Variants in SOHLH2 observed in about 807,000 individuals in gnomAD.
SOHLH2 encodes spermatogenesis- and oogenesis-specific basic helix-loop-helix-containing protein 2.
Under a neutral mutation model 50.4 loss-of-function variants are expected in SOHLH2, and 22 were observed. That is an observed-to-expected ratio of 0.44 (90% CI 0.31 to 0.62). SOHLH2 has a LOEUF of 0.62. Among genes scored for constraint, SOHLH2 ranks in the 20% least tolerant of loss-of-function variants. The pLI is 0.08. For synonymous variants in SOHLH2, 185 were observed against 187.3 expected (o/e 0.99, Z 0.10); for missense variants, 412 against 504.4 (o/e 0.82, Z 1.76).
rs770569129 is a variant in SOHLH2 at position 36,174,829 on chromosome 13, A to G, written c.682T>C (p.Leu228=). 10 of 1,606,496 alleles carry G rather than the reference A, an allele frequency of 6.2e-6. No individual in the cohort carries two copies. The South Asian group carries it at 1.1e-4, about 18-fold the overall frequency. ...KYCCEQLRTL[L]PYVKGRKNDA... is the part of the protein sequence containing the mutation. ...TTCTTTCTCCCTTTTACATACGGCA[A>G]GAGAGTACGCAGCTGCTCACAGCAA... Residue 228 remains leucine, a synonymous_variant, in exon 7 of 11, where the codon TTG becomes CTG. Coordinates refer to ENST00000379881, the MANE Select transcript of SOHLH2 (RefSeq NM_017826.3).
chr13:36,211,451 A>G (rs184741440), intron 1 of SOHLH2, among the ~76,000 whole-genome samples: 73 of 152,358 alleles, frequency 4.8e-4, no homozygotes, highest in African/African-American at 1.7e-3. Context: ...CAAACAAGAC[A>G]AGGTCCTTGC....
intron 2 of SOHLH2, among the ~76,000 whole-genome samples, chr13:36,196,496 G>A (rs144360065): frequency 6.2e-4 from 94 of 152,250 alleles, no homozygotes; most frequent in African/African-American, 2.2e-3. Context: ...AATGAGGAAA[G>A]AGAGGTGAAA....
Position 36,214,540 on chromosome 13 carries a change from G to C in SOHLH2, c.-14C>G, listed in dbSNP as rs567581993. ...TGAGGAAGCCATGGCCGCTGCGCAC[G>C]TGCTGGGTCCTGGGGCAGCCTCCCA... On this transcript the variant is annotated 5_prime_UTR_variant, in exon 1 of 11. Transcript: ENST00000379881. 2 of 1,609,438 alleles carry C rather than the reference G, an allele frequency of 1.2e-6. No homozygotes were observed. Among genetic ancestry groups the C allele is most frequent in the South Asian group, 2.2e-5 (2 of 89,840 alleles).
At position 36,170,744 on chromosome 13, in the gene SOHLH2, A is replaced by G; in HGVS notation, c.1044T>C (p.Tyr348=). The change falls in exon 10 of 11, where the codon TAT becomes TAC. Residue 348 remains tyrosine (Y), a synonymous_variant. Coordinates refer to ENST00000379881, the MANE Select transcript of SOHLH2 (RefSeq NM_017826.3). ...SASENAIGDP[Y]KTHISSAALS... ...GCGCTGCACTGGAAATGTGAGTTTTATATGGATCACCAATAGCATTCTCTG... is the reference window on the plus strand; with the variant it reads ...GCGCTGCACTGGAAATGTGAGTTTTGTATGGATCACCAATAGCATTCTCTG... 1 of 1,614,208 alleles carries G rather than the reference A, an allele frequency of 6.2e-7. No homozygotes were observed. The highest frequency in any genetic ancestry group is 8.5e-7 in the Non-Finnish European group (1 of 1,180,010).
Position 36,201,983 on chromosome 13 carries a change from C to A in SOHLH2, c.159G>T (p.Thr53=). 1 of 1,614,186 alleles carries A rather than the reference C, an allele frequency of 6.2e-7. No homozygotes were observed. The highest frequency in any genetic ancestry group is 2.2e-5 in the East Asian group (1 of 44,878). ...CATCCAAAAGCGCTGCTGCCTCCTT[C>A]GTGTCACTGATGGTGATGGTGACTT... ...IAEVTITISD[T]KEAAALLDDC... Residue 53 remains threonine (T), a synonymous_variant, in exon 2 of 11, where the codon ACG becomes ACT. Coordinates refer to ENST00000379881, the MANE Select transcript of SOHLH2 (RefSeq NM_017826.3).
chr13:36,213,186 T>C (rs1313553751), intron 1 of SOHLH2, among the ~76,000 whole-genome samples: 1 of 152,142 alleles, frequency 6.6e-6, no homozygotes, highest in African/African-American at 2.4e-5. Flanking sequence ...CAGTTGGGGC[T>C]TCACACTCTC....
intron 2 of SOHLH2, 122 bp from the exon 3 acceptor site, chr13:36,193,989 TA>T: frequency 1.2e-6 from 1 of 800,938 alleles, no homozygotes; most frequent in Non-Finnish European, 1.8e-6. Flanking sequence ...GAATTTAAAA[TA>T]ATATCATTAA....
chr13:36,185,176 C>A (rs1887381433), intron 6 of SOHLH2, among the ~76,000 whole-genome samples: 1 of 151,764 alleles, frequency 6.6e-6, no homozygotes, highest in African/African-American at 2.4e-5. Context: ...TTTTAAAAAG[C>A]AAAGTATAGA....
At chr13:36,171,610 A>G (rs1003647755) in intron 9 of SOHLH2, among the ~76,000 whole-genome samples, 2 of 152,224 alleles carry the variant, frequency 1.3e-5, no homozygotes, top group Non-Finnish European at 2.9e-5. Flanking sequence ...TAAGTCACCC[A>G]TCACACTCTT....
intron 2 of SOHLH2, among the ~76,000 whole-genome samples, chr13:36,198,091 C>T (rs1278940938): frequency 6.6e-6 from 1 of 152,118 alleles, no homozygotes; most frequent in Non-Finnish European, 1.5e-5. Flanking sequence ...TCTTAGTGAT[C>T]AGTTAGCTGG....
At chr13:36,197,748 T>C (rs1321546379) in intron 2 of SOHLH2, among the ~76,000 whole-genome samples, 2 of 152,230 alleles carry the variant, frequency 1.3e-5, no homozygotes, top group Non-Finnish European at 2.9e-5. Context: ...TAGTTTATTC[T>C]GGCTAATAGT....
intron 8 of SOHLH2, among the ~76,000 whole-genome samples, chr13:36,174,201 C>G (rs572100419): frequency 6.6e-6 from 1 of 152,286 alleles, no homozygotes; most frequent in South Asian, 2.1e-4. Context: ...ACCATCCCTA[C>G]ACTCACAAGG....
intron 1 of SOHLH2, 119 bp from the exon 2 acceptor site, chr13:36,202,212 T>TAGCC: frequency 7.9e-6 from 10 of 1,259,904 alleles, no homozygotes; most frequent in Non-Finnish European, 1.1e-5. Context: ...ACTCCATATC[T>TAGCC]AGTCTGACTG....
chr13:36,170,573 A>T lies in SOHLH2; in HGVS notation c.1215T>A (p.Thr405=), dbSNP rs780660697. The change falls in exon 10 of 11, where the codon ACT becomes ACA. Residue 405 remains threonine (T), a synonymous_variant. Transcript: ENST00000379881. ...PVSKLLPRHC[T]SGLGQTCTTH... is the part of the protein sequence containing the mutation. ...TAGTGCACGTCTGGCCCAACCCAGA[A>T]GTGCAGTGCCGAGGGAGAAGCTTTG... is the stretch of plus-strand genomic sequence containing the variant. 4.3e-6 allele frequency: 7 copies of T among 1,614,036 alleles called. No individual in the cohort carries two copies. The highest frequency in any genetic ancestry group is 1.3e-5 in the African/African-American group (1 of 74,928).
At chr13:36,196,606 A>G (rs1489919873) in intron 2 of SOHLH2, among the ~76,000 whole-genome samples, 2 of 152,220 alleles carry the variant, frequency 1.3e-5, no homozygotes, top group African/African-American at 4.8e-5. Flanking sequence ...AAAGTAAATT[A>G]TCCTAAGTTA....
intron 1 of SOHLH2, among the ~76,000 whole-genome samples, chr13:36,208,067 G>A (rs1168211418): frequency 6.6e-6 from 1 of 152,194 alleles, no homozygotes; most frequent in East Asian, 1.9e-4. Context: ...CCACCTCTTG[G>A]AGGGAGGAAT....
In SOHLH2 at chr13:36,189,962, T is replaced by C; in HGVS notation, c.625A>G (p.Lys209Glu). 1 of 1,592,850 alleles carries C rather than the reference T, an allele frequency of 6.3e-7. No individual in the cohort carries two copies. Among genetic ancestry groups the C allele is most frequent in the Non-Finnish European group, 8.6e-7 (1 of 1,167,604 alleles). Residue 209 changes from lysine (K) to glutamate (E), a missense_variant, in exon 6 of 11, where the codon AAG becomes GAG. By Grantham distance (56) the Lys-to-Glu change is moderately conservative (BLOSUM62 1). Transcript: ENST00000379881. ...NKKISLLHSS[K>E]EKLRRERIKY... Reference sequence around the variant, plus strand: ...AAAATTCACCTTCTTAGTTTTTCCTTGCTTGAATGAAGAAGAGAGATCTTT... The same window carrying C: ...AAAATTCACCTTCTTAGTTTTTCCTCGCTTGAATGAAGAAGAGAGATCTTT...
At chr13:36,199,580 A>G (rs866824616) in intron 2 of SOHLH2, among the ~76,000 whole-genome samples, 12 of 152,340 alleles carry the variant, frequency 7.9e-5, no homozygotes, top group Middle Eastern at 3.4e-3. Context: ...GATTTCTTTT[A>G]AGGCAAAATA....
At chr13:36,173,566 A>G (rs1240090490) in intron 9 of SOHLH2, 126 bp downstream of exon 9, 2 of 1,099,484 alleles carry the variant, frequency 1.8e-6, no homozygotes, top group Non-Finnish European at 2.6e-6. Flanking sequence ...TGAGGCTGAC[A>G]ATACCAGAAG....
Sources: gnomAD v4.1 joint callset for allele counts (sites outside exome capture counted in the v4.1 genomes callset) on GRCh38, gnomAD v4.1.1 for gene constraint, MANE v1.5 for transcripts, NCBI Gene and HGNC (gene_info 2026-07-23, HGNC 2026-07-21) for gene names.